ZNF557: variants seen among roughly 807,000 people sequenced by gnomAD.
The protein encoded by ZNF557 is zinc finger protein 557, also known as CTB-25J19.9.
ZNF557 carries 19 observed loss-of-function variants against 21.2 expected under a neutral mutation model. The ratio of observed to expected loss-of-function variants is 0.90; its 90% CI spans 0.63 to 1.32. The LOEUF (loss-of-function observed/expected upper bound fraction) is 1.32. Among genes scored for constraint, ZNF557 ranks in the 40% most tolerant of loss-of-function variants. The probability of loss-of-function intolerance (pLI) is 0.00; values close to 1 mark genes in which losing one functional copy is unlikely to be tolerated. For synonymous variants in ZNF557, 207 were observed against 194.8 expected (o/e 1.06, Z -0.52); for missense variants, 487 against 519.8 (o/e 0.94, Z 0.61).
chr19:7,087,422 C>T lies in ZNF557; in HGVS notation c.*3678C>T, dbSNP rs1219978081. ...GAGCATGTTGGCGCATGCCTGTAATCTCAGCTACTTGGAAGGCTGAGGCAG... is the reference window on the plus strand; with the variant it reads ...GAGCATGTTGGCGCATGCCTGTAATTTCAGCTACTTGGAAGGCTGAGGCAG... On this transcript the variant is annotated 3_prime_UTR_variant, in exon 8 of 8. Coordinates refer to ENST00000252840, the MANE Select transcript of ZNF557 (RefSeq NM_024341.3). The T allele has an allele frequency of 2.0e-5, 3 of 151,344 alleles. No individual in the cohort carries two copies. Among genetic ancestry groups the T allele is most frequent in the African/African-American group, 7.3e-5 (3 of 41,226 alleles). The allele number at this position is 151,344 out of a possible 1,614,324, so 9.4% of individuals were successfully genotyped here. A position where few individuals can be genotyped will look rare whatever the true frequency, so the allele number is the denominator to read the frequency against.
chr19:7,081,287 T>C lies in ZNF557; in HGVS notation c.248-73T>C, dbSNP rs561661701. On this transcript the variant is annotated intron_variant, in intron 5 of 7. Transcript: ENST00000252840. ...AGTCACACCTCTTCACCTTCAGAACTGATTTCAGTTTCATGGGAGAGCTTG... is the reference window on the plus strand; with the variant it reads ...AGTCACACCTCTTCACCTTCAGAACCGATTTCAGTTTCATGGGAGAGCTTG... 6 of 1,004,818 alleles carry C rather than the reference T, an allele frequency of 6.0e-6. No individual in the cohort carries two copies. In the South Asian group the frequency reaches 8.1e-5, roughly 14 times the overall value. The allele number at this position is 1,004,818 out of a possible 1,614,324, so 62.2% of individuals were successfully genotyped here.
chr19:7,081,150 G>A (rs564900535), intron 5 of ZNF557, among the ~76,000 whole-genome samples: 38 of 139,196 alleles, frequency 2.7e-4, no homozygotes, highest in African/African-American at 9.8e-4. Context: ...TTGCTTGTGG[G>A]GTGTGTGTGT....
Position 7,075,759 on chromosome 19 carries a change from C to G in ZNF557, c.120+16C>G. ...CTGGCTAAAGGTGAGTCGGATGTTCCTTTTTCCAAATCATGATTCCTTCAG... is the reference window on the plus strand; with the variant it reads ...CTGGCTAAAGGTGAGTCGGATGTTCGTTTTTCCAAATCATGATTCCTTCAG... On this transcript the variant is annotated intron_variant, in intron 4 of 7. Coordinates refer to ENST00000252840, the MANE Select transcript of ZNF557 (RefSeq NM_024341.3). 6.2e-7 allele frequency: 1 copy of G among 1,611,466 alleles called. No homozygotes were observed. The highest frequency in any genetic ancestry group is 1.7e-5 in the Admixed American group (1 of 59,898).
rs558701942 is a variant in ZNF557, at chr19:7,075,214, C to T, written c.31+109C>T. Reference sequence around the variant, plus strand: ...GAGCAGGTGAGGCAGGAGTGGAGCCCCAGGGGCCCAGAGGTCCTCCGTGTC... The same window carrying T: ...GAGCAGGTGAGGCAGGAGTGGAGCCTCAGGGGCCCAGAGGTCCTCCGTGTC... On this transcript the variant is annotated intron_variant, in intron 3 of 7. Transcript: ENST00000252840. The T allele has an allele frequency of 1.4e-5, 21 of 1,492,854 alleles. No homozygotes were observed. In the African/African-American group the frequency reaches 2.8e-4, roughly 20 times the overall value. 92.5% of individuals were successfully genotyped at this position (1,492,854 alleles called of 1,614,324 possible).
chr19:7,076,586 C>T (rs1308860235), intron 5 of ZNF557, 79 bp downstream of exon 5: 1 of 1,549,370 alleles, frequency 6.5e-7, no homozygotes, highest in Non-Finnish European at 8.7e-7. Flanking sequence ...ATTGAGGTAA[C>T]ACAGGACACA....
At chr19:7,077,332 C>T (rs922933824) in intron 5 of ZNF557, among the ~76,000 whole-genome samples, 1 of 151,676 alleles carries the variant, frequency 6.6e-6, no homozygotes, top group Non-Finnish European at 1.5e-5. Context: ...GATGGGGTTT[C>T]ACCATGTTGG....
At position 7,087,263 on chromosome 19, in the gene ZNF557, G is replaced by A. The variant is rs558567021; in HGVS notation, c.*3519G>A. Reference sequence around the variant, plus strand: ...TGATAAAAACCACAGTGCAGGGGCTGGGCGTGGTGGCTCACGCCTGTAATC... The same window carrying A: ...TGATAAAAACCACAGTGCAGGGGCTAGGCGTGGTGGCTCACGCCTGTAATC... On this transcript the variant is annotated 3_prime_UTR_variant, in exon 8 of 8. Transcript: ENST00000252840. 1.7e-5 allele frequency: 2 copies of A among 119,176 alleles called. No individual in the cohort carries two copies. The highest frequency in any genetic ancestry group is 5.7e-4 in the East Asian group (2 of 3,500). 7.4% of individuals were successfully genotyped at this position (119,176 alleles called of 1,614,324 possible). A position where few individuals can be genotyped will look rare whatever the true frequency, so the allele number is the denominator to read the frequency against.
At position 7,082,918 on chromosome 19, in the gene ZNF557, A is replaced by T; in HGVS notation, c.467A>T (p.Gln156Leu). 2 of 1,606,064 alleles carry T rather than the reference A, an allele frequency of 1.2e-6. No homozygotes were observed. Among genetic ancestry groups the T allele is most frequent in the Non-Finnish European group, 1.7e-6 (2 of 1,175,308 alleles). Residue 156 changes from glutamine to leucine, a missense_variant, in exon 8 of 8, where the codon CAG (glutamine) becomes CTG (leucine). Transcript: ENST00000252840. ...GGAGCAACACTCAACGAATGTAATC[A>T]GTGTTTTAAAGTCTTCAGCACAAAA... ...HLGATLNECN[Q>L]CFKVFSTKSS...
chr19:7,077,672 C>T (rs1977614817), intron 5 of ZNF557, among the ~76,000 whole-genome samples: 2 of 152,246 alleles, frequency 1.3e-5, no homozygotes, highest in Middle Eastern at 3.4e-3. Flanking sequence ...AGTGGAACTT[C>T]TGTGTCCTGT....
chr19:7,071,901 C>T (rs539045330), intron 2 of ZNF557, among the ~76,000 whole-genome samples: 67 of 145,606 alleles, frequency 4.6e-4, no homozygotes, highest in African/African-American at 1.6e-3. Flanking sequence ...GTCAGGAGAT[C>T]GAGACCATCC....
chr19:7,075,616 G>A (rs1191368510), intron 3 of ZNF557, 39 bp from the exon 4 acceptor site: 1 of 1,602,160 alleles, frequency 6.2e-7, no homozygotes, highest in Non-Finnish European at 8.5e-7. Context: ...TGGACACAGG[G>A]CAGGTGTGGA....
chr19:7,071,888 G>A (rs1328353596), intron 2 of ZNF557, among the ~76,000 whole-genome samples: 1 of 145,630 alleles, frequency 6.9e-6, no homozygotes, highest in Non-Finnish European at 1.5e-5. Context: ...GGCAGATCAC[G>A]AGGTCAGGAG....
chr19:7,071,419 G>A (rs529973522), intron 2 of ZNF557, among the ~76,000 whole-genome samples: 1 of 152,122 alleles, frequency 6.6e-6, no homozygotes, highest in Non-Finnish European at 1.5e-5. Flanking sequence ...AGCGACATGT[G>A]GTTAATGCCC....
intron 4 of ZNF557, 104 bp from the exon 5 acceptor site, chr19:7,076,277 G>A (rs906328203): frequency 2.2e-5 from 35 of 1,610,562 alleles, no homozygotes; most frequent in South Asian, 2.0e-4. Flanking sequence ...CCCACATCTC[G>A]TGCTCAGGTT....
chr19:7,079,781 A>T (rs1013331587), intron 5 of ZNF557, among the ~76,000 whole-genome samples: 9 of 152,034 alleles, frequency 5.9e-5, no homozygotes, highest in Non-Finnish European at 1.2e-4. Flanking sequence ...TTTGTCAGAG[A>T]TTTTTTTAAA....
Position 7,087,240 on chromosome 19 carries a change from A to T in ZNF557, c.*3496A>T, listed in dbSNP as rs1288143884. 2.4e-5 allele frequency: 1 copy of T among 41,500 alleles called. No individual in the cohort carries two copies. The highest frequency in any genetic ancestry group is 7.5e-5 in the African/African-American group (1 of 13,352). The allele number at this position is 41,500 out of a possible 1,614,324, so 2.6% of individuals were successfully genotyped here. A position where few individuals can be genotyped will look rare whatever the true frequency, so the allele number is the denominator to read the frequency against. ...TTTTTTTTTTTTCTTCACTGTGGTGATAAAAACCACAGTGCAGGGGCTGGG... is the reference window on the plus strand; with the variant it reads ...TTTTTTTTTTTTCTTCACTGTGGTGTTAAAAACCACAGTGCAGGGGCTGGG... On this transcript the variant is annotated 3_prime_UTR_variant, in exon 8 of 8. Transcript: ENST00000252840.
chr19:7,071,799 CAAAAAAAAAA>C (rs71177147), intron 2 of ZNF557, among the ~76,000 whole-genome samples: 3 of 55,020 alleles, frequency 5.5e-5, no homozygotes, highest in South Asian at 9.6e-4. Context: ...GACTGCATCT[CAAAAAAAAAA>C]AAAAAAAAAA....
chr19:7,079,147 C>A (rs146092978), intron 5 of ZNF557, among the ~76,000 whole-genome samples: 1 of 151,770 alleles, frequency 6.6e-6, no homozygotes, highest in East Asian at 1.9e-4. Flanking sequence ...GATTTGAAGT[C>A]GTTGCCTAAT....
chr19:7,087,815 C>G lies in ZNF557; in HGVS notation c.*4071C>G, dbSNP rs1977901327. 6.6e-6 allele frequency: 1 copy of G among 152,028 alleles called. No homozygotes were observed. Among genetic ancestry groups the G allele is most frequent in the Non-Finnish European group, 1.5e-5 (1 of 68,004 alleles). 9.4% of individuals were successfully genotyped at this position (152,028 alleles called of 1,614,324 possible). A position where few individuals can be genotyped will look rare whatever the true frequency, so the allele number is the denominator to read the frequency against. Reference sequence around the variant, plus strand: ...GTTTTTATAAGTGCTCCATGATTCTCTGAAAACAGTATACTATGTATCTAA... The same window carrying G: ...GTTTTTATAAGTGCTCCATGATTCTGTGAAAACAGTATACTATGTATCTAA... On this transcript the variant is annotated 3_prime_UTR_variant, in exon 8 of 8. Coordinates refer to ENST00000252840, the MANE Select transcript of ZNF557 (RefSeq NM_024341.3).
Sources: allele counts gnomAD v4.1 joint callset (sites outside exome capture counted in the v4.1 genomes callset), GRCh38; gene constraint gnomAD v4.1.1; transcripts MANE v1.5; gene names NCBI Gene and HGNC (gene_info 2026-07-23, HGNC 2026-07-21).